The following NUBP2 variants were observed in gnomAD, a reference collection of about 807,000 sequenced individuals.
NUBP2 encodes the protein NUBP iron-sulfur cluster assembly factor 2, cytosolic.
In NUBP2, 23 loss-of-function variants were observed where a neutral mutation model predicts 24.9. The ratio of observed to expected loss-of-function variants is 0.92; its 90% CI spans 0.66 to 1.31. The LOEUF (loss-of-function observed/expected upper bound fraction) is 1.31. Among genes scored for constraint, NUBP2 ranks in the 50% most tolerant of loss-of-function variants. NUBP2 has a pLI of 0.00. For missense variants in NUBP2, 403 were observed against 386.5 expected, an observed-to-expected ratio of 1.04 and a Z score of -0.36; for synonymous variants, 186 against 170.9, an observed-to-expected ratio of 1.09 and a Z score of -0.69.
intron 6 of NUBP2, 121 bp from the exon 7 acceptor site, chr16:1,788,448 A>G (rs1897095169): frequency 1.5e-6 from 2 of 1,378,276 alleles, no homozygotes; most frequent in South Asian, 3.1e-5. Flanking sequence ...TGGAGGTGGA[A>G]ATCGTCTGGC....
At chr16:1,787,214 C>T in intron 3 of NUBP2, 1 of 449,514 alleles carries the variant, frequency 2.2e-6, no homozygotes, top group Non-Finnish European at 4.0e-6. Flanking sequence ...ACCTGAGGCC[C>T]CAGTGTGGCA....
chr16:1,786,813 G>A lies in NUBP2; in HGVS notation c.192G>A (p.Ala64=), dbSNP rs148199799. ...CCAGTATCCCCCGCATGCTCGGGGCGCAGGGCAGGGCTGTGCACCAGTGCG... is the reference window on the plus strand; with the variant it reads ...CCAGTATCCCCCGCATGCTCGGGGCACAGGGCAGGGCTGTGCACCAGTGCG... ...CGPSIPRMLG[A]QGRAVHQCDR... The change falls in exon 3 of 7, where the codon GCG becomes GCA. Residue 64 remains alanine, a synonymous_variant. Coordinates refer to ENST00000262302, the MANE Select transcript of NUBP2 (RefSeq NM_012225.4). The A allele has an allele frequency of 6.4e-5, 103 of 1,608,232 alleles. No individual in the cohort carries two copies. The African/African-American group carries it at 8.7e-4, about 14-fold the overall frequency.
In NUBP2 at chr16:1,786,403, C is replaced by T. The variant is rs534461595; in HGVS notation, c.17-134C>T. Reference sequence around the variant, plus strand: ...CTTTACATCGGGGCGAAGTGGGGCACGGGCTGCCTCTGGGTCTGGCGATTC... The same window carrying T: ...CTTTACATCGGGGCGAAGTGGGGCATGGGCTGCCTCTGGGTCTGGCGATTC... On this transcript the variant is annotated intron_variant, in intron 1 of 6. Transcript: ENST00000262302. The T allele has an allele frequency of 5.9e-5, 47 of 801,356 alleles. No homozygotes were observed. In the African/African-American group the frequency reaches 6.9e-4, roughly 12 times the overall value. The allele number at this position is 801,356 out of a possible 1,614,324, so 49.6% of individuals were successfully genotyped here.
rs879679166 is a variant in NUBP2 at position 1,783,185 on chromosome 16, G to C, written c.16+149G>C. On this transcript the variant is annotated intron_variant, in intron 1 of 6. Transcript: ENST00000262302. ...TGGGCCGGGCCAGAGGCCGCGGCGC[G>C]GGCATTTTCTAAACAGGGTCGTTTC... The C allele has an allele frequency of 2.5e-5, 30 of 1,177,896 alleles. No individual in the cohort carries two copies. In the Admixed American group the frequency reaches 1.1e-3, roughly 43 times the overall value. 73.0% of individuals were successfully genotyped at this position (1,177,896 alleles called of 1,614,324 possible).
intron 1 of NUBP2, chr16:1,785,521 C>T (rs1054574307): frequency 8.3e-7 from 1 of 1,199,306 alleles, no homozygotes; most frequent in Non-Finnish European, 1.1e-6. Context: ...AGTGCATGCT[C>T]CCTCTCTGCA....
chr16:1,787,678 G>A lies in NUBP2; in HGVS notation c.336G>A (p.Ala112=), dbSNP rs762107597. ...GCCCCGTCTGCCCCGTCTTTGCAGC[G>A]CTGATAAAGCAGTTTGTGTCCGACG... The part of the protein sequence containing the change: ...AVVWRGPKKN[A]LIKQFVSDVA... Residue 112 remains alanine (A), a splice_region_variant and synonymous_variant, in exon 4 of 7, where the codon GCG becomes GCA. Coordinates refer to ENST00000262302, the MANE Select transcript of NUBP2 (RefSeq NM_012225.4). The A allele has an allele frequency of 2.7e-5, 43 of 1,612,228 alleles. No homozygotes were observed. Among genetic ancestry groups the A allele is most frequent in the Admixed American group, 3.3e-5 (2 of 60,000 alleles).
chr16:1,787,218 T>G, intron 3 of NUBP2: 2 of 444,142 alleles, frequency 4.5e-6, no homozygotes, highest in Non-Finnish European at 8.0e-6. Flanking sequence ...GAGGCCCCAG[T>G]GTGGCAGGTC....
intron 1 of NUBP2, chr16:1,783,399 G>T: frequency 9.5e-7 from 1 of 1,051,360 alleles, no homozygotes. Flanking sequence ...GCGAGACCCT[G>T]TCTCTAAATA....
Position 1,787,669 on chromosome 16 carries a change from C to G in NUBP2, c.335-8C>G, listed in dbSNP as rs775981531. On this transcript the variant is annotated splice_region_variant and splice_polypyrimidine_tract_variant and intron_variant, in intron 3 of 6. Coordinates refer to ENST00000262302, the MANE Select transcript of NUBP2 (RefSeq NM_012225.4). ...GCCCTGACCGCCCCGTCTGCCCCGTCTTTGCAGCGCTGATAAAGCAGTTTG... is the reference window on the plus strand; with the variant it reads ...GCCCTGACCGCCCCGTCTGCCCCGTGTTTGCAGCGCTGATAAAGCAGTTTG... 4 of 1,611,582 alleles carry G rather than the reference C, an allele frequency of 2.5e-6. No individual in the cohort carries two copies. The highest frequency in any genetic ancestry group is 3.4e-6 in the Non-Finnish European group (4 of 1,179,434).
chr16:1,787,038 C>A, intron 3 of NUBP2, 83 bp downstream of exon 3: 1 of 1,318,726 alleles, frequency 7.6e-7, no homozygotes, highest in Non-Finnish European at 1.0e-6. Flanking sequence ...TGTTCCTCTT[C>A]AGCAGCCAGG....
chr16:1,788,648 C>T lies in NUBP2; in HGVS notation c.750C>T (p.Pro250=), dbSNP rs756912126. Residue 250 remains proline, a synonymous_variant, in exon 7 of 7, where the codon CCC becomes CCT. Transcript: ENST00000262302. The stretch of plus-strand genomic sequence containing the variant: ...TCATCCAGGAGTTCCCTGGGAGCCC[C>T]GCCTTCGCTGCACTCACCTCCATAG... The part of the protein sequence containing the change: ...HDFIQEFPGS[P]AFAALTSIAQ... 2.1e-4 allele frequency: 334 copies of T among 1,611,844 alleles called. No individual in the cohort carries two copies. Among genetic ancestry groups the T allele is most frequent in the Non-Finnish European group, 1.3e-4 (150 of 1,179,686 alleles).
In NUBP2 at chr16:1,786,962, G is replaced by T; in HGVS notation, c.334+7G>T. ...AGAGGCCCCAAGAAAAACGGTAACG[G>T]CCGGGCGGCGCGTCCGCCGTCCTGG... is the stretch of plus-strand genomic sequence containing the variant. On this transcript the variant is annotated splice_region_variant and intron_variant, in intron 3 of 6. Coordinates refer to ENST00000262302, the MANE Select transcript of NUBP2 (RefSeq NM_012225.4). The T allele has an allele frequency of 6.6e-7, 1 of 1,511,054 alleles. No individual in the cohort carries two copies. 93.6% of individuals were successfully genotyped at this position (1,511,054 alleles called of 1,614,324 possible). A position where few individuals can be genotyped will look rare whatever the true frequency, so the allele number is the denominator to read the frequency against.
At chr16:1,786,709 G>A (rs79769512) in intron 2 of NUBP2, 48 bp from the exon 3 acceptor site, 173,651 of 1,611,464 alleles carry the variant, frequency 0.11, 10,693 homozygotes, top group South Asian at 0.24. Flanking sequence ...CCGCATCCCG[G>A]TGGAGGCCTG....
intron 1 of NUBP2, chr16:1,785,620 C>T (rs908654853): frequency 1.0e-5 from 13 of 1,285,232 alleles, no homozygotes; most frequent in Admixed American, 2.3e-5. Flanking sequence ...GCCGTGGTCT[C>T]GGGGCTTTGT....
chr16:1,787,680 T>C lies in NUBP2; in HGVS notation c.338T>C (p.Leu113Pro). The change falls in exon 4 of 7, where the codon CTG (leucine) becomes CCG (proline). Residue 113 changes from leucine (L) to proline (P), a missense_variant. By Grantham distance (98) the Leu-to-Pro change is moderately conservative. Transcript: ENST00000262302. ...CCCGTCTGCCCCGTCTTTGCAGCGC[T>C]GATAAAGCAGTTTGTGTCCGACGTG... ...VVWRGPKKNA[L>P]IKQFVSDVAW... 1 of 1,612,424 alleles carries C rather than the reference T, an allele frequency of 6.2e-7. No homozygotes were observed. Among genetic ancestry groups the C allele is most frequent in the Admixed American group, 1.7e-5 (1 of 60,016 alleles).
At chr16:1,785,223 C>A in intron 1 of NUBP2, 1 of 1,011,074 alleles carries the variant, frequency 9.9e-7, no homozygotes, top group Non-Finnish European at 1.2e-6. Flanking sequence ...CACTGCCCCA[C>A]CCGGCAGGCT....
chr16:1,788,500 G>A (rs1039726382), intron 6 of NUBP2, 69 bp from the exon 7 acceptor site: 16 of 1,503,674 alleles, frequency 1.1e-5, no homozygotes, highest in Admixed American at 8.3e-5. Context: ...GTTCGGGTGC[G>A]TCCAGCTGAG....
At chr16:1,784,153 C>G (rs1896853383) in intron 1 of NUBP2, 10 of 514,288 alleles carry the variant, frequency 1.9e-5, no homozygotes, top group Non-Finnish European at 2.0e-5. Flanking sequence ...TGCAGTGGCA[C>G]GATCATAACT....
At chr16:1,787,444 G>C (rs1897029433) in intron 3 of NUBP2, 2 of 598,192 alleles carry the variant, frequency 3.3e-6, no homozygotes, top group Non-Finnish European at 5.9e-6. Context: ...GTCAGCGGGG[G>C]CTCTGTGGGC....
Sources: allele counts gnomAD v4.1 joint callset, GRCh38; gene constraint gnomAD v4.1.1; transcripts MANE v1.5; gene names NCBI Gene and HGNC (gene_info 2026-07-23, HGNC 2026-07-21).